Variants in DST observed in about 807,000 individuals in gnomAD.
The protein encoded by DST is dystonin, also known as bullous pemphigoid antigen.
DST carries 253 observed loss-of-function variants against 875.2 expected under a neutral mutation model. The ratio of observed to expected loss-of-function variants is 0.29; its 90% CI spans 0.26 to 0.32. The LOEUF (loss-of-function observed/expected upper bound fraction) is 0.32, where lower values mean the gene tolerates loss of function less well. Ranked by LOEUF, DST falls within the 10% of genes least tolerant of loss-of-function variation. The pLI, the probability that DST is intolerant of heterozygous loss-of-function variation, is 1.00. For missense variants in DST, 8,287 were observed against 9,111.6 expected, an observed-to-expected ratio of 0.91 and a Z score of 3.68; for synonymous variants, 3,124 against 3,197.1, an observed-to-expected ratio of 0.98 and a Z score of 0.77.
intron 2 of DST, among the ~76,000 whole-genome samples, chr6:56,952,349 T>C (rs1428474972): frequency 2.0e-5 from 3 of 152,248 alleles, no homozygotes; most frequent in Non-Finnish European, 4.4e-5. Context: ...ATCATTTATG[T>C]GTGTGGAACT....
At chr6:56,670,531 A>AT in intron 10 of DST, 110 bp downstream of exon 10, 1 of 860,498 alleles carries the variant, frequency 1.2e-6, no homozygotes, top group Non-Finnish European at 1.6e-6. Flanking sequence ...GTATTTTCTA[A>AT]TTTTTTGCCA....
intron 1 of DST, among the ~76,000 whole-genome samples, chr6:56,954,134 T>G (rs1164689986): frequency 2.0e-5 from 3 of 152,184 alleles, no homozygotes; most frequent in Admixed American, 6.5e-5. Flanking sequence ...ACGCTCAAAT[T>G]ACCCTTAAGG....
intron 61 of DST, among the ~76,000 whole-genome samples, chr6:56,548,707 C>A (rs4715629): frequency 0.66 from 100,854 of 151,944 alleles, 33,944 homozygotes; most frequent in Non-Finnish European, 0.7. Context: ...TAGAATTTAA[C>A]CGTAATCATA....
intron 4 of DST, among the ~76,000 whole-genome samples, chr6:56,795,454 T>G (rs2153012048): frequency 6.6e-6 from 1 of 152,280 alleles, no homozygotes; most frequent in Middle Eastern, 3.4e-3. Flanking sequence ...TCCAGATTAA[T>G]GGAACAATCA....
At chr6:56,518,562 TA>T (rs2096638784) in intron 69 of DST, among the ~76,000 whole-genome samples, 1 of 152,222 alleles carries the variant, frequency 6.6e-6, no homozygotes, top group Non-Finnish European at 1.5e-5. Flanking sequence ...CAAACAACCC[TA>T]TAATGAATAT....
chr6:56,616,897 A>T lies in DST; in HGVS notation c.4930-2413T>A, dbSNP rs2152731077. 5.6e-6 allele frequency: 9 copies of T among 1,612,690 alleles called. No homozygotes were observed. The highest frequency in any genetic ancestry group is 6.8e-6 in the Non-Finnish European group (8 of 1,179,506). On this transcript the variant is annotated intron_variant, in intron 36 of 103. Coordinates refer to ENST00000680361, the MANE Select transcript of DST (RefSeq NM_001374736.1). ...CTCCTTTAAGAACTGCATCTTCAAC[A>T]GAATATGTCTGACCTGAAATGGGAT... is the stretch of plus-strand genomic sequence containing the variant.
At position 56,665,765 on chromosome 6, in the gene DST, T is replaced by C. The variant is rs142579177; in HGVS notation, c.1214+4876A>G. 3.6e-3 allele frequency among the ~76,000 whole-genome samples: 543 copies of C among 152,280 alleles called. 1 individual carries two copies. The highest frequency in any genetic ancestry group is 5.9e-3 in the Non-Finnish European group (404 of 68,020). On this transcript the variant is annotated intron_variant, in intron 10 of 103. Coordinates refer to ENST00000680361, the MANE Select transcript of DST (RefSeq NM_001374736.1). ...CTCACTACGTGGGTGACAGGACCAG[T>C]TGTACCCTAAACCTCAGCATCATGC...
chr6:56,909,088 C>T (rs1468658025), intron 2 of DST, among the ~76,000 whole-genome samples: 1 of 152,192 alleles, frequency 6.6e-6, no homozygotes, highest in Non-Finnish European at 1.5e-5. Flanking sequence ...GATCCAAGAA[C>T]CCTCTCTGGG....
chr6:56,873,354 T>C lies in DST; in HGVS notation c.418-21750A>G, dbSNP rs887712873. Among the ~76,000 whole-genome samples, 4 of 152,226 alleles carry C rather than the reference T, an allele frequency of 2.6e-5. No homozygotes were observed. The East Asian group carries it at 7.7e-4, about 29-fold the overall frequency. ...CTTTTTAGCTTGATGTGATCCCACT[T>C]GTCAATTTGCTTTGGTTTCCTGTGC... On this transcript the variant is annotated intron_variant, in intron 3 of 103. Coordinates refer to ENST00000680361, the MANE Select transcript of DST (RefSeq NM_001374736.1).
intron 71 of DST, among the ~76,000 whole-genome samples, chr6:56,516,141 G>GAA (rs1440832270): frequency 1.4e-4 from 21 of 147,958 alleles, no homozygotes; most frequent in Non-Finnish European, 2.7e-4. Flanking sequence ...GGGAGAGAGA[G>GAA]AGAGAGAAAG....
In DST at chr6:56,627,276, G is replaced by A. The variant is rs138607224; in HGVS notation, c.4650C>T (p.Ser1550=). ...TQLNQQKMLV[S]EIEMKQSKMD... ...TTTTGCTCTGTTTCATTTCTATTTC[G>A]GACACCAGCATCTATAAATATACAC... The change falls in exon 34 of 104, where the codon TCC becomes TCT. Residue 1550 remains serine (S), a synonymous_variant. Coordinates refer to ENST00000680361, the MANE Select transcript of DST (RefSeq NM_001374736.1). The A allele has an allele frequency of 6.6e-5, 106 of 1,610,902 alleles. 1 individual carries two copies. Among genetic ancestry groups the A allele is most frequent in the African/African-American group, 4.4e-4 (33 of 74,838 alleles).
intron 2 of DST, among the ~76,000 whole-genome samples, chr6:56,932,806 T>C (rs1811031523): frequency 6.6e-6 from 1 of 151,560 alleles, no homozygotes; most frequent in African/African-American, 2.4e-5. Flanking sequence ...GGACACTTCT[T>C]AGGGGTCTGT....
chr6:56,950,676 T>C (rs903942441), intron 2 of DST, among the ~76,000 whole-genome samples: 6 of 152,220 alleles, frequency 3.9e-5, no homozygotes, highest in Non-Finnish European at 2.9e-5. Context: ...ACAAAAACAC[T>C]GTGTAAGTGT....
Position 56,778,571 on chromosome 6 carries a change from C to G in DST, c.626-43282G>C, listed in dbSNP as rs184394038. ...ACAACAGGCCCCGGTGTGTGATGTT[C>G]CCCTTCCTGTGTCCATGTGTTCTCA... On this transcript the variant is annotated intron_variant, in intron 4 of 103. Transcript: ENST00000680361. Among the ~76,000 whole-genome samples the G allele has an allele frequency of 2.8e-3, 341 of 120,378 alleles. 3 individuals are homozygous for G. The highest frequency in any genetic ancestry group is 9.8e-3 in the African/African-American group (313 of 31,960). The allele number at this position is 120,378 out of a possible 152,430, so 79.0% of individuals were successfully genotyped here.
At chr6:56,476,445 G>T (rs2152409632) in intron 91 of DST, 108 bp from the exon 92 acceptor site, 1 of 967,826 alleles carries the variant, frequency 1.0e-6, no homozygotes, top group Non-Finnish European at 1.5e-6. Flanking sequence ...TCCTGAGCTA[G>T]ACCCATAATG....
Position 56,572,879 on chromosome 6 carries a change from C to T in DST, c.13422G>A (p.Glu4474=). ...CAAACAGTTCTACTTTGGTTTTTAG[C>T]TCCTCCATTTTGGCAAGAGTTTCTT... The part of the protein sequence containing the change: ...KHKETLAKME[E]LKTKVELFEN... Residue 4474 remains glutamate (E), a synonymous_variant, in exon 52 of 104, where the codon GAG becomes GAA. Transcript: ENST00000680361. The T allele has an allele frequency of 6.2e-7, 1 of 1,613,424 alleles. No individual in the cohort carries two copies. The highest frequency in any genetic ancestry group is 8.5e-7 in the Non-Finnish European group (1 of 1,179,690).
chr6:56,464,839 C>T (rs916126668), intron 99 of DST, 83 bp from the exon 100 acceptor site: 5 of 1,049,184 alleles, frequency 4.8e-6, no homozygotes, highest in African/African-American at 1.6e-5. Flanking sequence ...GTTGAATATG[C>T]AAAGGGTGCT....
At chr6:56,820,170 T>C (rs2099771401) in intron 4 of DST, among the ~76,000 whole-genome samples, 1 of 152,236 alleles carries the variant, frequency 6.6e-6, no homozygotes, top group Non-Finnish European at 1.5e-5. Flanking sequence ...TTAACCACTA[T>C]GTGATTCAAC....
At chr6:56,516,132 G>GGAGA (rs5876515) in intron 71 of DST, among the ~76,000 whole-genome samples, 1 of 146,064 alleles carries the variant, frequency 6.8e-6, no homozygotes, top group African/African-American at 2.5e-5. Context: ...AGAGAGAGAG[G>GGAGA]GAGAGAGAGA....
Sources: allele counts gnomAD v4.1 joint callset (sites outside exome capture counted in the v4.1 genomes callset), GRCh38; gene constraint gnomAD v4.1.1; transcripts MANE v1.5; gene names NCBI Gene and HGNC (gene_info 2026-07-23, HGNC 2026-07-21).